The following PCDHGB7 variants were observed in gnomAD, a reference collection of about 807,000 sequenced individuals.
PCDHGB7 encodes the protein protocadherin gamma-B7.
PCDHGB7 carries 37 observed loss-of-function variants against 61.4 expected under a neutral mutation model. That is an observed-to-expected ratio of 0.60 (90% confidence interval 0.46 to 0.79). The LOEUF (loss-of-function observed/expected upper bound fraction) is 0.79, where lower values mean the gene tolerates loss of function less well. Among genes scored for constraint, PCDHGB7 ranks in the 30% least tolerant of loss-of-function variants. The pLI, the probability that PCDHGB7 is intolerant of heterozygous loss-of-function variation, is 0.00. For synonymous variants in PCDHGB7, 464 were observed against 503.5 expected (o/e 0.92, Z 1.05); for missense variants, 1,166 against 1,202.5 (o/e 0.97, Z 0.45).
chr5:141,503,440 C>A (rs1185892958), intron 2 of PCDHGB7, among the ~76,000 whole-genome samples: 2 of 151,694 alleles, frequency 1.3e-5, no homozygotes, highest in African/African-American at 4.8e-5. Context: ...ACTAAAAATA[C>A]AAAAATTCGC....
intron 1 of PCDHGB7, chr5:141,428,598 C>T (rs2097150047): frequency 4.5e-6 from 1 of 224,296 alleles, no homozygotes; most frequent in African/African-American, 2.3e-5. Context: ...TAGCAAGCTT[C>T]ACTGAAGAGA....
chr5:141,498,880 C>G (rs1334510457), intron 2 of PCDHGB7, among the ~76,000 whole-genome samples: 1 of 150,028 alleles, frequency 6.7e-6, no homozygotes, highest in African/African-American at 2.4e-5. Flanking sequence ...TTGCAGTGAG[C>G]TGAGATCACA....
Position 141,491,858 on chromosome 5 carries a change from A to G in PCDHGB7, c.2416-2949A>G, listed in dbSNP as rs17208425. 297,575 of 1,456,446 alleles carry G rather than the reference A, an allele frequency of 0.2. 31,644 individuals are homozygous for G. The highest frequency in any genetic ancestry group is 0.33 in the Admixed American group (11,758 of 35,494). 90.2% of individuals were successfully genotyped at this position (1,456,446 alleles called of 1,614,324 possible). On this transcript the variant is annotated intron_variant, in intron 1 of 3. Transcript: ENST00000398594. This position sits in a 1 kb window ranked among gnomAD's most constrained non-coding sequence, Gnocchi z 6.9. ...TCGGGATCATTGGACCGTTTGCGCG[A>G]AACCAGAGTGGCCGATTAAGGGATG... is the stretch of plus-strand genomic sequence containing the variant.
Position 141,477,200 on chromosome 5 carries a change from C to T in PCDHGB7, c.2416-17607C>T. ...AGTCACCTCCGTGTACAGCCCAGTACCCGAGGATGCCCCTCTGGGGACTGT... is the reference window on the plus strand; with the variant it reads ...AGTCACCTCCGTGTACAGCCCAGTATCCGAGGATGCCCCTCTGGGGACTGT... On this transcript the variant is annotated intron_variant, in intron 1 of 3. Transcript: ENST00000398594. This position sits in a 1 kb window ranked among gnomAD's most constrained non-coding sequence, Gnocchi z 4.9. The T allele has an allele frequency of 1.2e-6, 2 of 1,614,206 alleles. No individual in the cohort carries two copies. The highest frequency in any genetic ancestry group is 1.3e-5 in the African/African-American group (1 of 75,056).
At position 141,511,181 on chromosome 5, in the gene PCDHGB7, G is replaced by A. The variant is rs1301391138; in HGVS notation, c.*8G>A. On this transcript the variant is annotated 3_prime_UTR_variant, in exon 4 of 4. Transcript: ENST00000398594. Reference sequence around the variant, plus strand: ...AAGAAGGAGAAGAAGTAACATGGAGGCCAGGCCAAGAGCCACAGGGCGGCC... The same window carrying A: ...AAGAAGGAGAAGAAGTAACATGGAGACCAGGCCAAGAGCCACAGGGCGGCC... 6.2e-7 allele frequency: 1 copy of A among 1,614,016 alleles called. No homozygotes were observed. The highest frequency in any genetic ancestry group is 1.7e-5 in the Admixed American group (1 of 60,016).
At chr5:141,498,194 T>C (rs1014641829) in intron 2 of PCDHGB7, among the ~76,000 whole-genome samples, 16 of 152,254 alleles carry the variant, frequency 1.1e-4, no homozygotes, top group African/African-American at 3.6e-4. Context: ...ATTAACCAGC[T>C]AAAGAAAAGA....
chr5:141,426,363 C>T (rs994657779), intron 1 of PCDHGB7: 12 of 202,404 alleles, frequency 5.9e-5, no homozygotes, highest in East Asian at 4.4e-4. Context: ...CTTTGTTCTG[C>T]GGGGCACCCT....
intron 3 of PCDHGB7, among the ~76,000 whole-genome samples, chr5:141,507,500 A>G (rs2099861039): frequency 6.6e-6 from 1 of 152,206 alleles, no homozygotes; most frequent in Admixed American, 6.5e-5. Flanking sequence ...GAGCTGTCCC[A>G]GGTCTGGTGG....
intron 1 of PCDHGB7, among the ~76,000 whole-genome samples, chr5:141,460,983 GTATATATATATA>G (rs59296681): frequency 7.3e-6 from 1 of 137,780 alleles, no homozygotes. Flanking sequence ...GTGTGTGTGT[GTATATATATATA>G]TGTGTATATA....
chr5:141,480,380 A>C (rs1192159457), intron 1 of PCDHGB7, among the ~76,000 whole-genome samples: 3 of 151,970 alleles, frequency 2.0e-5, no homozygotes, highest in African/African-American at 4.8e-5. Context: ...GCACCACTAC[A>C]CTTCAACCAT....
Position 141,487,494 on chromosome 5 carries a change from C to A in PCDHGB7, c.2416-7313C>A, listed in dbSNP as rs116370895. On this transcript the variant is annotated intron_variant, in intron 1 of 3. Transcript: ENST00000398594. The surrounding 1 kb of genome is among the most constrained non-coding windows in gnomAD (Gnocchi z 5.0). The stretch of plus-strand genomic sequence containing the variant: ...GGAGGCCACTCTCATGGCTGTACAC[C>A]CTTGGCTTCTGCACCCACTCGGAGT... 1,421 of 1,614,120 alleles carry A rather than the reference C, an allele frequency of 8.8e-4. 3 individuals are homozygous for A. Among genetic ancestry groups the A allele is most frequent in the Non-Finnish European group, 1.2e-3 (1,358 of 1,180,034 alleles).
At chr5:141,502,891 C>G (rs2099816930) in intron 2 of PCDHGB7, among the ~76,000 whole-genome samples, 1 of 117,990 alleles carries the variant, frequency 8.5e-6, no homozygotes, top group African/African-American at 3.4e-5. Context: ...GACAGGGAGT[C>G]TAGCTCTGTT....
chr5:141,420,223 G>A lies in PCDHGB7; in HGVS notation c.2364G>A (p.Leu788=). 1.2e-6 allele frequency: 2 copies of A among 1,604,640 alleles called. No homozygotes were observed. The highest frequency in any genetic ancestry group is 1.7e-6 in the Non-Finnish European group (2 of 1,173,976). The change falls in exon 1 of 4, where the codon CTG becomes CTA. Residue 788 remains leucine, a synonymous_variant. Transcript: ENST00000398594. ...QDNLNKDSML[L]ASILTPSVEA... Reference sequence around the variant, plus strand: ...ACCTCAACAAAGATAGCATGCTACTGGCTAGCATTTTAACTCCCAGCGTTG... The same window carrying A: ...ACCTCAACAAAGATAGCATGCTACTAGCTAGCATTTTAACTCCCAGCGTTG...
At chr5:141,508,681 C>T (rs970069) in intron 3 of PCDHGB7, among the ~76,000 whole-genome samples, 26,289 of 151,984 alleles carry the variant, frequency 0.17, 2,539 homozygotes, top group Admixed American at 0.29. Flanking sequence ...CTCCCTTCTC[C>T]CTGCTTCTCC....
At chr5:141,426,834 A>G (rs1561824131) in intron 1 of PCDHGB7, 1 of 456,724 alleles carries the variant, frequency 2.2e-6, no homozygotes, top group South Asian at 1.5e-5. Flanking sequence ...GATGGACAAG[A>G]CTAAAGGCAA....
At chr5:141,469,424 AC>A (rs1173507321) in intron 1 of PCDHGB7, among the ~76,000 whole-genome samples, 1 of 151,864 alleles carries the variant, frequency 6.6e-6, no homozygotes, top group East Asian at 1.9e-4. Context: ...AAAATATAAA[AC>A]TTAGCTGGGC....
chr5:141,495,032 G>T, intron 2 of PCDHGB7, 167 bp downstream of exon 2: 1 of 967,732 alleles, frequency 1.0e-6, no homozygotes, highest in Non-Finnish European at 1.2e-6. Flanking sequence ...GACCCCGGAA[G>T]GAAGAGGCGA....
At chr5:141,445,575 G>A (rs571896159) in intron 1 of PCDHGB7, among the ~76,000 whole-genome samples, 18 of 152,262 alleles carry the variant, frequency 1.2e-4, no homozygotes, top group African/African-American at 4.3e-4. Flanking sequence ...CTTATAGTAG[G>A]GAAGCTTCGC....
rs1173375966 is a variant in PCDHGB7, at chr5:141,511,162, GAGA to G, written c.2785_2787del (p.Lys929del). 16 of 1,614,044 alleles carry G rather than the reference GAGA, an allele frequency of 9.9e-6. No individual in the cohort carries two copies. The highest frequency in any genetic ancestry group is 5.5e-5 in the South Asian group (5 of 91,078). On this transcript the variant is annotated inframe_deletion, in exon 4 of 4. Transcript: ENST00000398594. The stretch of plus-strand genomic sequence containing the variant: ...CAACAAGAAGAAGTCGGGCAAGAAG[GAGA>G]AGAAGTAACATGGAGGCCAGGCCAA...
Sources: gnomAD v4.1 joint callset for allele counts (sites outside exome capture counted in the v4.1 genomes callset) on GRCh38, gnomAD v4.1.1 for gene constraint, Gnocchi (gnomAD v3.1) non-coding constraint, MANE v1.5 for transcripts, NCBI Gene and HGNC (gene_info 2026-07-23, HGNC 2026-07-21) for gene names.